Variants in CACNB4 observed in about 807,000 individuals in gnomAD.
CACNB4 encodes voltage-dependent L-type calcium channel subunit beta-4.
CACNB4 carries 32 observed loss-of-function variants against 71.2 expected under a neutral mutation model. The ratio of observed to expected loss-of-function variants is 0.45; its 90% CI spans 0.34 to 0.60. The LOEUF (loss-of-function observed/expected upper bound fraction) is 0.60, where lower values mean the gene tolerates loss of function less well. Ranked by LOEUF, CACNB4 falls within the 20% of genes least tolerant of loss-of-function variation. CACNB4 has a pLI of 0.01. For synonymous variants in CACNB4, 231 were observed against 236.9 expected (o/e 0.97, Z 0.23); for missense variants, 464 against 647.9 (o/e 0.72, Z 3.08).
intron 4 of CACNB4, among the ~76,000 whole-genome samples, chr2:151,878,079 C>A (rs188586777): frequency 6.6e-6 from 1 of 152,124 alleles, no homozygotes; most frequent in Admixed American, 6.5e-5. Flanking sequence ...CAAGATAATT[C>A]TCTCCTATTT....
At chr2:151,858,060 T>G (rs909119628) in intron 10 of CACNB4, 1 of 152,254 alleles carries the variant, frequency 6.6e-6, no homozygotes, top group African/African-American at 2.4e-5. Context: ...TTTATCTATA[T>G]AGCTCTTTTT....
In CACNB4 at chr2:152,088,184, C is replaced by T. The variant is rs575273206; in HGVS notation, c.147+10146G>A. ...ACACACACACATACACACACACACA[C>T]GGCAAATTAAAAAGCAGTGACTAAG... On this transcript the variant is annotated intron_variant, in intron 2 of 13. Transcript: ENST00000539935. 1.9e-3 allele frequency among the ~76,000 whole-genome samples: 291 copies of T among 151,364 alleles called. 3 individuals are homozygous for T. The highest frequency in any genetic ancestry group is 3.3e-3 in the Non-Finnish European group (225 of 67,862).
intron 2 of CACNB4, among the ~76,000 whole-genome samples, chr2:152,011,315 A>C (rs1683044304): frequency 2.0e-5 from 3 of 152,212 alleles, no homozygotes. Context: ...GTCCTGACCA[A>C]GAAACACGGT....
At chr2:151,976,205 C>A (rs2099873765) in intron 2 of CACNB4, among the ~76,000 whole-genome samples, 1 of 152,222 alleles carries the variant, frequency 6.6e-6, no homozygotes, top group Admixed American at 6.5e-5. Flanking sequence ...GCAGGCTCTG[C>A]CTGCTTTCCA....
intron 2 of CACNB4, among the ~76,000 whole-genome samples, chr2:152,088,115 GA>G (rs1204538479): frequency 7.0e-6 from 1 of 141,968 alleles, no homozygotes; most frequent in Non-Finnish European, 1.5e-5. Context: ...TGACATGCCT[GA>G]AAAAAAGAAT....
chr2:151,974,992 TC>T (rs2099873526), intron 2 of CACNB4, among the ~76,000 whole-genome samples: 1 of 152,130 alleles, frequency 6.6e-6, no homozygotes, highest in South Asian at 2.1e-4. Context: ...AGGCTCTAAG[TC>T]CCCTGTATCA....
chr2:151,852,183 T>G (rs1017325932), intron 12 of CACNB4: 1 of 152,228 alleles, frequency 6.6e-6, no homozygotes, highest in Non-Finnish European at 1.5e-5. Context: ...CTGTTTTCAG[T>G]TGCCTAAACT....
chr2:152,057,062 C>T (rs1685766535), intron 2 of CACNB4, among the ~76,000 whole-genome samples: 1 of 152,172 alleles, frequency 6.6e-6, no homozygotes, highest in Non-Finnish European at 1.5e-5. Context: ...TGTCACTCCC[C>T]TAATCAATAC....
At chr2:152,093,350 T>C (rs1688083198) in intron 2 of CACNB4, among the ~76,000 whole-genome samples, 1 of 152,298 alleles carries the variant, frequency 6.6e-6, no homozygotes, top group Admixed American at 6.5e-5. Flanking sequence ...TTGAATAATC[T>C]TTACATTCCT....
chr2:152,085,213 T>C lies in CACNB4; in HGVS notation c.147+13117A>G, dbSNP rs565581877. 2.6e-5 allele frequency among the ~76,000 whole-genome samples: 4 copies of C among 151,596 alleles called. No homozygotes were observed. The East Asian group carries it at 7.8e-4, about 30-fold the overall frequency. On this transcript the variant is annotated intron_variant, in intron 2 of 13. Coordinates refer to ENST00000539935, the MANE Select transcript of CACNB4 (RefSeq NM_000726.5). ...TAGGTACCTGCGGCCGCCATGCAAG[T>C]ACAGGCAGAGGGGAGGGAAGGGGAA... is the stretch of plus-strand genomic sequence containing the variant.
rs1288004946 is a variant in CACNB4, at chr2:152,098,484, G to A, written c.64-71C>T. 6.9e-7 allele frequency: 1 copy of A among 1,452,022 alleles called. No homozygotes were observed. Among genetic ancestry groups the A allele is most frequent in the Admixed American group, 1.7e-5 (1 of 59,660 alleles). 89.9% of individuals were successfully genotyped at this position (1,452,022 alleles called of 1,614,324 possible). On this transcript the variant is annotated intron_variant, in intron 1 of 13. Transcript: ENST00000539935. This position sits in a 1 kb window ranked among gnomAD's most constrained non-coding sequence, Gnocchi z 5.3. ...AGCGCAGAGCGGGGCGACCACCCCC[G>A]GCTGGAGTCCGCCTCCGGACCCGCT...
At position 152,002,924 on chromosome 2, in the gene CACNB4, C is replaced by T. The variant is rs142293401; in HGVS notation, c.147+95406G>A. Among the ~76,000 whole-genome samples the T allele has an allele frequency of 4.0e-3, 603 of 152,270 alleles. 6 individuals are homozygous for T. The highest frequency in any genetic ancestry group is 0.014 in the African/African-American group (577 of 41,556). On this transcript the variant is annotated intron_variant, in intron 2 of 13. Transcript: ENST00000539935. ...CATTTTTGAGTTTAGCAGAAAGTCT[C>T]CATTTGAATTAATAAGGGTAGAAAA...
At chr2:152,092,677 G>A (rs1335676248) in intron 2 of CACNB4, among the ~76,000 whole-genome samples, 1 of 151,492 alleles carries the variant, frequency 6.6e-6, no homozygotes, top group Non-Finnish European at 1.5e-5. Context: ...ATCATTACAC[G>A]CAGGGTGGCT....
chr2:151,889,465 CAAA>C (rs55990443), intron 2 of CACNB4, among the ~76,000 whole-genome samples: 13 of 94,704 alleles, frequency 1.4e-4, no homozygotes, highest in Admixed American at 1.1e-4. Context: ...GACTCTGTCT[CAAA>C]AAAAAAAAAA....
chr2:151,921,822 G>A (rs113033674), intron 2 of CACNB4, among the ~76,000 whole-genome samples: 1,981 of 152,052 alleles, frequency 0.013, 47 homozygotes, highest in African/African-American at 0.046. Context: ...GTGGCACTTC[G>A]CCCTTTTCTC....
chr2:151,847,137 T>G (rs1198958882), intron 12 of CACNB4, among the ~76,000 whole-genome samples: 1 of 149,860 alleles, frequency 6.7e-6, no homozygotes, highest in Non-Finnish European at 1.5e-5. Flanking sequence ...GGCAGCACTT[T>G]GGGAGGCCAA....
chr2:152,074,657 C>CTTCACCTCCACCCAA (rs1686902506), intron 2 of CACNB4, among the ~76,000 whole-genome samples: 1 of 77,176 alleles, frequency 1.3e-5, no homozygotes, highest in African/African-American at 5.6e-5. Flanking sequence ...TCACCATCAC[C>CTTCACCTCCACCCAA]CCCTCACCAT....
chr2:151,902,827 A>G (rs1156859747), intron 2 of CACNB4, among the ~76,000 whole-genome samples: 1 of 152,170 alleles, frequency 6.6e-6, no homozygotes, highest in Admixed American at 6.6e-5. Context: ...TTTTCATCAA[A>G]TTGTACCCTA....
intron 2 of CACNB4, among the ~76,000 whole-genome samples, chr2:152,007,946 A>G (rs1486867235): frequency 6.6e-6 from 1 of 151,688 alleles, no homozygotes; most frequent in Non-Finnish European, 1.5e-5. Flanking sequence ...TAATTTTTGT[A>G]TTTTTAGTAG....
Sources: gnomAD v4.1 joint callset for allele counts (sites outside exome capture counted in the v4.1 genomes callset) on GRCh38, gnomAD v4.1.1 for gene constraint, Gnocchi (gnomAD v3.1) non-coding constraint, MANE v1.5 for transcripts, NCBI Gene and HGNC (gene_info 2026-07-23, HGNC 2026-07-21) for gene names.